The following DNAH7 variants were observed in gnomAD, a reference collection of about 807,000 sequenced individuals.
DNAH7 encodes dynein axonemal heavy chain 7, also known as axonemal beta dynein heavy chain 7.
Under a neutral mutation model 444.6 loss-of-function variants are expected in DNAH7, and 397 were observed. That is an observed-to-expected ratio of 0.89 (90% CI 0.82 to 0.97). The LOEUF (loss-of-function observed/expected upper bound fraction) is 0.97. DNAH7 is among the 50% of genes least tolerant of loss of function. DNAH7 has a pLI of 0.00. For synonymous variants in DNAH7, 1,636 were observed against 1,624.4 expected, an observed-to-expected ratio of 1.01 and a Z score of -0.17; for missense variants, 4,902 against 4,800.8, an observed-to-expected ratio of 1.02 and a Z score of -0.62.
rs538160790 is a variant in DNAH7, at chr2:195,826,982, C to A, written c.9101-2537G>T. Among the ~76,000 whole-genome samples, 4 of 152,236 alleles carry A rather than the reference C, an allele frequency of 2.6e-5. No homozygotes were observed. In the South Asian group the frequency reaches 8.3e-4, roughly 32 times the overall value. ...AATATCCTTTAAGGGTGTTTCCTGG[C>A]AGTCACAAATGGTACTTCCACTCTC... On this transcript the variant is annotated intron_variant, in intron 48 of 64. Transcript: ENST00000312428.
chr2:196,017,954 A>T (rs1004412875), intron 9 of DNAH7, among the ~76,000 whole-genome samples: 3 of 152,142 alleles, frequency 2.0e-5, no homozygotes, highest in Non-Finnish European at 4.4e-5. Flanking sequence ...CAGTATAAAA[A>T]TTTTTAATTT....
chr2:195,985,859 G>C (rs962656610), intron 14 of DNAH7, among the ~76,000 whole-genome samples: 11 of 152,132 alleles, frequency 7.2e-5, no homozygotes, highest in African/African-American at 2.7e-4. Flanking sequence ...CTGGTTCCTA[G>C]ATAAGGTACT....
intron 61 of DNAH7, among the ~76,000 whole-genome samples, chr2:195,764,794 A>G (rs1694498860): frequency 6.6e-6 from 1 of 152,126 alleles, no homozygotes; most frequent in Non-Finnish European, 1.5e-5. Flanking sequence ...AATATTGTTA[A>G]AATGTCCATC....
intron 1 of DNAH7, among the ~76,000 whole-genome samples, chr2:196,061,894 G>T (rs905784421): frequency 4.8e-4 from 73 of 152,156 alleles, no homozygotes; most frequent in Non-Finnish European, 5.0e-4. Context: ...GAGTTCCATC[G>T]TACTTACTTA....
rs766863392 is a variant in DNAH7 at position 195,861,867 on chromosome 2, C to T, written c.7586G>A (p.Gly2529Asp). 6.2e-6 allele frequency: 10 copies of T among 1,613,840 alleles called. No homozygotes were observed. Among genetic ancestry groups the T allele is most frequent in the South Asian group, 3.3e-5 (3 of 91,072 alleles). The change falls in exon 42 of 65, where the codon GGC (glycine) becomes GAC (aspartate). Residue 2529 changes from glycine to aspartate, a missense_variant. By Grantham distance (94) the Gly-to-Asp change is moderately conservative. Transcript: ENST00000312428. ...GAAGCTTTTACACATGTCGATACAG[C>T]CATCTCGTATTTCCTCTGACATTTC... The part of the protein sequence containing the change: ...EIEMSEEIRD[G>D]CIDMCKSFHT...
At chr2:195,994,366 G>A (rs921600313) in intron 12 of DNAH7, 29 of 694,644 alleles carry the variant, frequency 4.2e-5, no homozygotes, top group Non-Finnish European at 6.3e-5. Context: ...AGCAGGGGAG[G>A]CAGTAAGTTT....
intron 17 of DNAH7, among the ~76,000 whole-genome samples, chr2:195,966,840 A>G (rs1691510501): frequency 6.6e-6 from 1 of 152,174 alleles, no homozygotes; most frequent in African/African-American, 2.4e-5. Context: ...GTGACTTTAT[A>G]GGTAAAGTGT....
In DNAH7 at chr2:195,888,370, GACA is replaced by G; in HGVS notation, c.5291_5293del (p.Leu1764del). 1.2e-6 allele frequency: 2 copies of G among 1,608,172 alleles called. No individual in the cohort carries two copies. Among genetic ancestry groups the G allele is most frequent in the Non-Finnish European group, 1.7e-6 (2 of 1,178,290 alleles). The stretch of plus-strand genomic sequence containing the variant: ...TGACGCAGGTAACAGATTCACCCAG[GACA>G]ACATCAGTGGTCTCCAGCCTAACAT... On this transcript the variant is annotated inframe_deletion, in exon 33 of 65. Coordinates refer to ENST00000312428, the MANE Select transcript of DNAH7 (RefSeq NM_018897.3).
Position 195,990,081 on chromosome 2 carries a change from G to A in DNAH7, c.1354-1852C>T, listed in dbSNP as rs142688281. On this transcript the variant is annotated intron_variant, in intron 12 of 64. Transcript: ENST00000312428. ...TTGTGCAGAAGCTTTTTAGTTTGAT[G>A]TAATCCCATTTGTCAATTTTTATTT... Among the ~76,000 whole-genome samples the A allele has an allele frequency of 1.5e-3, 234 of 152,218 alleles. 1 individual carries two copies. The highest frequency in any genetic ancestry group is 5.1e-3 in the African/African-American group (211 of 41,550).
Position 195,893,733 on chromosome 2 carries a change from T to C in DNAH7, c.4896+1243A>G, listed in dbSNP as rs1702146997. 5 of 152,234 alleles carry C rather than the reference T, an allele frequency of 3.3e-5. No individual in the cohort carries two copies. In the South Asian group the frequency reaches 1.0e-3, roughly 32 times the overall value. The allele number at this position is 152,234 out of a possible 1,614,324, so 9.4% of individuals were successfully genotyped here. On this transcript the variant is annotated intron_variant, in intron 30 of 64. Transcript: ENST00000312428. ...AGGCTAGTGTGAAGCGATAGCTTGG[T>C]TGGCTAAGGAAGACTGCCCTATGAC...
In DNAH7 at chr2:195,781,670, A is replaced by AAC. The variant is rs34150923; in HGVS notation, c.10879-3687_10879-3686dup. Among the ~76,000 whole-genome samples the AAC allele has an allele frequency of 9.3e-4, 140 of 149,988 alleles. 2 individuals carry two copies. The East Asian group carries it at 0.017, about 19-fold the overall frequency. On this transcript the variant is annotated intron_variant, in intron 58 of 64. Transcript: ENST00000312428. Reference sequence around the variant, plus strand: ...AGTTCGTTTTAACCTTAACTAGCAAAACACACACACACACACAAAATCTTA... The same window carrying AAC: ...AGTTCGTTTTAACCTTAACTAGCAAAACACACACACACACACACAAAATCTTA...
rs1350992578 is a variant in DNAH7, at chr2:195,857,509, G to C, written c.8282C>G (p.Pro2761Arg). 1 of 1,613,762 alleles carries C rather than the reference G, an allele frequency of 6.2e-7. No individual in the cohort carries two copies. Among genetic ancestry groups the C allele is most frequent in the South Asian group, 1.1e-5 (1 of 91,030 alleles). Reference sequence around the variant, plus strand: ...TCTTATGATATTCATATAAGCTGGAGGAATATTGTCCTTGTCATATTCATG... The same window carrying C: ...TCTTATGATATTCATATAAGCTGGACGAATATTGTCCTTGTCATATTCATG... ...SLHEYDKDNI[P>R]PAYMNIIRKN... Residue 2761 changes from proline (P) to arginine (R), a missense_variant, in exon 44 of 65, where the codon CCT becomes CGT. Coordinates refer to ENST00000312428, the MANE Select transcript of DNAH7 (RefSeq NM_018897.3).
intron 40 of DNAH7, among the ~76,000 whole-genome samples, chr2:195,871,064 A>T (rs1471780711): frequency 3.9e-5 from 6 of 152,094 alleles, no homozygotes; most frequent in Non-Finnish European, 5.9e-5. Flanking sequence ...GTGCTATAAG[A>T]ATCTCTACAT....
chr2:195,989,112 T>A (rs191882686), intron 12 of DNAH7, among the ~76,000 whole-genome samples: 67 of 152,334 alleles, frequency 4.4e-4, no homozygotes, highest in African/African-American at 1.5e-3. Context: ...GTCAATTCCA[T>A]ATCTTGGTTA....
At chr2:195,930,523 C>CA (rs1688621019) in intron 21 of DNAH7, among the ~76,000 whole-genome samples, 2 of 152,062 alleles carry the variant, frequency 1.3e-5, no homozygotes, top group Admixed American at 1.3e-4. Flanking sequence ...AGTCAAAAAA[C>CA]AAAAAATGCT....
chr2:196,052,169 G>A (rs1697514522), intron 2 of DNAH7, among the ~76,000 whole-genome samples: 1 of 152,198 alleles, frequency 6.6e-6, no homozygotes, highest in African/African-American at 2.4e-5. Context: ...TTCAGCAAAT[G>A]TCTTTGTCAT....
intron 53 of DNAH7, 76 bp downstream of exon 53, chr2:195,808,606 T>C (rs1378969282): frequency 6.5e-6 from 10 of 1,540,314 alleles, no homozygotes; most frequent in Non-Finnish European, 8.8e-6. Context: ...ATTTAAATCT[T>C]GCTTTTATGA....
At chr2:195,841,646 C>T (rs1414271771) in intron 47 of DNAH7, among the ~76,000 whole-genome samples, 1 of 151,422 alleles carries the variant, frequency 6.6e-6, no homozygotes, top group Non-Finnish European at 1.5e-5. Flanking sequence ...ACTACATTTA[C>T]TTGCTTACTT....
intron 1 of DNAH7, among the ~76,000 whole-genome samples, chr2:196,062,818 C>T (rs7588058): frequency 0.96 from 146,865 of 152,310 alleles, 71,025 homozygotes; most frequent in East Asian, 1. Context: ...AGAATGTTTA[C>T]TTTTATTTTT....
Sources: allele counts gnomAD v4.1 joint callset (sites outside exome capture counted in the v4.1 genomes callset), GRCh38; gene constraint gnomAD v4.1.1; transcripts MANE v1.5; gene names NCBI Gene and HGNC (gene_info 2026-07-23, HGNC 2026-07-21).